NPAS3: variants seen among roughly 807,000 people sequenced by gnomAD.
The protein encoded by NPAS3 is neuronal PAS domain-containing protein 3.
NPAS3 carries 14 observed loss-of-function variants against 73.1 expected under a neutral mutation model. The observed-to-expected ratio is 0.19, with a 90% CI of 0.13 to 0.30. The LOEUF (loss-of-function observed/expected upper bound fraction) is 0.30. NPAS3 is among the 10% of genes least tolerant of loss of function. The pLI is 1.00. For missense variants in NPAS3, 1,096 were observed against 1,250.0 expected, an observed-to-expected ratio of 0.88 and a Z score of 1.86; for synonymous variants, 620 against 541.5, an observed-to-expected ratio of 1.14 and a Z score of -2.01.
At chr14:33,411,380 G>A (rs376795200) in intron 4 of NPAS3, among the ~76,000 whole-genome samples, 3 of 151,218 alleles carry the variant, frequency 2.0e-5, no homozygotes, top group South Asian at 4.2e-4. Context: ...ACAGGGTTTC[G>A]CCATGTTGGC....
rs201283993 is a variant in NPAS3, at chr14:33,095,657, C to CTTTTTTTTTTTTTTTTTTTTTTT, written c.140+39667_140+39668insTTTTTTTTTTTTTTTTTTTTTTT. Among the ~76,000 whole-genome samples, 3 of 97,654 alleles carry CTTTTTTTTTTTTTTTTTTTTTTT rather than the reference C, an allele frequency of 3.1e-5. 1 individual carries two copies. The highest frequency in any genetic ancestry group is 4.0e-5 in the Non-Finnish European group (2 of 49,606). The allele number at this position is 97,654 out of a possible 152,430, so 64.1% of individuals were successfully genotyped here. A position where few individuals can be genotyped will look rare whatever the true frequency, so the allele number is the denominator to read the frequency against. ...TACACAAAGGCGTGGGCATTCTCTG[C>CTTTTTTTTTTTTTTTTTTTTTTT]TTTTATTTTTTTATTTTTTTTTTTT... is the stretch of plus-strand genomic sequence containing the variant. On this transcript the variant is annotated intron_variant, in intron 2 of 11. Coordinates refer to ENST00000356141, the Ensembl canonical transcript of NPAS3.
intron 2 of NPAS3, among the ~76,000 whole-genome samples, chr14:33,170,119 T>G (rs1437038208): frequency 6.6e-6 from 1 of 152,168 alleles, no homozygotes; most frequent in East Asian, 1.9e-4. Context: ...ATCTCTATAC[T>G]GAGAGTTACA....
chr14:33,364,953 T>G (rs1282893283), intron 3 of NPAS3, among the ~76,000 whole-genome samples: 1 of 151,830 alleles, frequency 6.6e-6, no homozygotes, highest in Non-Finnish European at 1.5e-5. Flanking sequence ...ATAATCCAGT[T>G]CTTTGTAGAA....
intron 3 of NPAS3, among the ~76,000 whole-genome samples, chr14:33,285,998 GT>G (rs760483344): frequency 1.3e-5 from 2 of 152,106 alleles, no homozygotes; most frequent in East Asian, 3.9e-4. Flanking sequence ...CCCTTACACT[GT>G]TTTATGGGAT....
upstream of NPAS3, among the ~76,000 whole-genome samples, chr14:32,938,190 G>A (rs143375986): frequency 7.0e-3 from 1,063 of 152,214 alleles, 11 homozygotes; most frequent in African/African-American, 0.024. Context: ...AGAGCCACAA[G>A]GTGCTTGTGC....
intron 4 of NPAS3, among the ~76,000 whole-genome samples, chr14:33,512,166 C>T (rs1019974923): frequency 1.3e-5 from 2 of 152,016 alleles, no homozygotes; most frequent in Admixed American, 6.6e-5. Context: ...TGTTAATTTG[C>T]GTTTGTTCAT....
intron 2 of NPAS3, among the ~76,000 whole-genome samples, chr14:33,171,017 G>T (rs1371816584): frequency 6.6e-6 from 1 of 152,092 alleles, no homozygotes; most frequent in African/African-American, 2.4e-5. Flanking sequence ...ACTACCTACG[G>T]CAGTGACAGT....
At chr14:33,377,650 CAT>C (rs1412799464) in intron 4 of NPAS3, among the ~76,000 whole-genome samples, 2 of 152,148 alleles carry the variant, frequency 1.3e-5, no homozygotes, top group African/African-American at 2.4e-5. Flanking sequence ...GCAGAATAAA[CAT>C]ATGTCATCAT....
At chr14:33,480,300 C>T (rs1479135244) in intron 4 of NPAS3, among the ~76,000 whole-genome samples, 1 of 152,142 alleles carries the variant, frequency 6.6e-6, no homozygotes, top group African/African-American at 2.4e-5. Context: ...TTTACTGATA[C>T]GTAGATATAC....
chr14:33,141,691 G>T (rs2044051684), intron 2 of NPAS3, among the ~76,000 whole-genome samples: 1 of 152,110 alleles, frequency 6.6e-6, no homozygotes, highest in African/African-American at 2.4e-5. Flanking sequence ...ATATTTAGAT[G>T]GTTTCTTATG....
chr14:33,727,844 G>A (rs994041242), intron 6 of NPAS3, among the ~76,000 whole-genome samples: 4 of 152,126 alleles, frequency 2.6e-5, no homozygotes, highest in Admixed American at 6.5e-5. Context: ...TCCCTCAAGT[G>A]GCAACATTTA....
At chr14:33,421,495 C>T (rs908890965) in intron 4 of NPAS3, among the ~76,000 whole-genome samples, 1 of 151,418 alleles carries the variant, frequency 6.6e-6, no homozygotes, top group Admixed American at 6.6e-5. Context: ...ATGAAAGCTG[C>T]CTTTAAAAAC....
At chr14:33,062,521 C>A (rs551155406) in intron 2 of NPAS3, among the ~76,000 whole-genome samples, 4 of 152,150 alleles carry the variant, frequency 2.6e-5, no homozygotes, top group Admixed American at 6.5e-5. Context: ...AATGGATAGG[C>A]GCAGGCAGCA....
At chr14:33,587,098 T>A (rs1184987862) in intron 5 of NPAS3, among the ~76,000 whole-genome samples, 1 of 152,196 alleles carries the variant, frequency 6.6e-6, no homozygotes, top group Non-Finnish European at 1.5e-5. Context: ...CCATCTGTAT[T>A]TCCCCTACAT....
chr14:33,603,396 T>G (rs1232359263), intron 5 of NPAS3, among the ~76,000 whole-genome samples: 1 of 152,026 alleles, frequency 6.6e-6, no homozygotes, highest in Non-Finnish European at 1.5e-5. Flanking sequence ...CTAAAGGAGA[T>G]GGGAGAATGC....
At chr14:32,948,748 G>T (rs1310360276) in intron 1 of NPAS3, among the ~76,000 whole-genome samples, 1 of 152,012 alleles carries the variant, frequency 6.6e-6, no homozygotes, top group Non-Finnish European at 1.5e-5. Context: ...TTTTAATATA[G>T]TTCTGTAGTC....
intron 5 of NPAS3, among the ~76,000 whole-genome samples, chr14:33,633,095 G>A (rs2058425512): frequency 6.6e-6 from 1 of 152,132 alleles, no homozygotes; most frequent in Admixed American, 6.5e-5. Flanking sequence ...CATTTACATG[G>A]TATTGAGTAT....
chr14:33,279,504 G>C (rs1377247562), intron 3 of NPAS3, among the ~76,000 whole-genome samples: 1 of 152,140 alleles, frequency 6.6e-6, no homozygotes, highest in Non-Finnish European at 1.5e-5. Context: ...ATACTGGCTA[G>C]AACCTTCTTC....
chr14:33,654,779 A>G (rs2140245890), intron 5 of NPAS3, among the ~76,000 whole-genome samples: 1 of 152,242 alleles, frequency 6.6e-6, no homozygotes, highest in Middle Eastern at 3.4e-3. Flanking sequence ...TTTGACCCTC[A>G]CTTCAAAAAA....
Sources: gnomAD v4.1 joint callset for allele counts (sites outside exome capture counted in the v4.1 genomes callset) on GRCh38, gnomAD v4.1.1 for gene constraint, MANE v1.5 for transcripts, NCBI Gene and HGNC (gene_info 2026-07-23, HGNC 2026-07-21) for gene names.